Variants in PRIM2 observed in about 807,000 individuals in gnomAD.
PRIM2 encodes the protein DNA primase large subunit.
A neutral mutation model predicts 67.3 loss-of-function variants in PRIM2; 39 were observed. The observed-to-expected ratio is 0.58, with a 90% CI of 0.45 to 0.76. The LOEUF is 0.76. PRIM2 is among the 30% of genes least tolerant of loss of function. The probability of loss-of-function intolerance (pLI) is 0.00; values close to 1 mark genes in which losing one functional copy is unlikely to be tolerated. For synonymous variants in PRIM2, 143 were observed against 198.7 expected (o/e 0.72, Z 2.36); for missense variants, 398 against 598.7 (o/e 0.66, Z 3.50).
chr6:57,606,531 T>C, intron 12 of PRIM2, 74 bp downstream of exon 12: 1 of 1,183,906 alleles, frequency 8.4e-7, no homozygotes, highest in South Asian at 1.3e-5. Context: ...TTTAATGTTC[T>C]TGCAGTGATG....
chr6:57,519,880 T>C (rs1459212452), intron 8 of PRIM2, among the ~76,000 whole-genome samples: 6 of 152,198 alleles, frequency 3.9e-5, no homozygotes, highest in African/African-American at 1.4e-4. Flanking sequence ...GTCCATGAAA[T>C]CTTCACAATC....
the PRIM2 span, among the ~76,000 whole-genome samples, chr6:57,266,274 A>C: frequency 5.3e-5 from 8 of 152,274 alleles, no homozygotes; most frequent in Non-Finnish European, 8.8e-5. Context: ...CAATGTGAAA[A>C]CTTGGCCATT....
the PRIM2 span, among the ~76,000 whole-genome samples, chr6:57,308,343 A>C: frequency 6.6e-6 from 1 of 152,000 alleles, no homozygotes; most frequent in African/African-American, 2.4e-5. Flanking sequence ...GGCTGGTCTC[A>C]AACTCCTGGG....
chr6:57,319,518 T>G (rs576939128), intron 2 of PRIM2, among the ~76,000 whole-genome samples: 1 of 152,324 alleles, frequency 6.6e-6, no homozygotes, highest in Admixed American at 6.5e-5. Flanking sequence ...TTAGAAAGCT[T>G]AGCAGTGTCA....
chr6:57,631,920 T>C (rs1777042591), intron 12 of PRIM2, among the ~76,000 whole-genome samples: 2 of 152,188 alleles, frequency 1.3e-5, no homozygotes. Flanking sequence ...CACTGTCTCT[T>C]GTCATCTGTG....
intron 5 of PRIM2, among the ~76,000 whole-genome samples, chr6:57,372,819 G>A (rs539599539): frequency 6.6e-6 from 1 of 152,190 alleles, no homozygotes; most frequent in Admixed American, 6.5e-5. Context: ...ATTCCGTGGT[G>A]TATATGTACC....
At chr6:57,385,645 G>A (rs1247270951) in intron 7 of PRIM2, among the ~76,000 whole-genome samples, 2 of 152,114 alleles carry the variant, frequency 1.3e-5, no homozygotes, top group Admixed American at 6.5e-5. Flanking sequence ...TAGTTGTCAC[G>A]TCTCTTTAAT....
rs1322312572 is a variant in PRIM2 at position 57,467,116 on chromosome 6, A to AAG, written c.694-40270_694-40269insGA. Among the ~76,000 whole-genome samples, 5 of 149,948 alleles carry AAG rather than the reference A, an allele frequency of 3.3e-5. 1 individual carries two copies. Among genetic ancestry groups the AAG allele is most frequent in the Admixed American group, 2.0e-4 (3 of 15,084 alleles). On this transcript the variant is annotated intron_variant, in intron 7 of 13. Coordinates refer to ENST00000615550, the MANE Select transcript of PRIM2 (RefSeq NM_000947.5). The stretch of plus-strand genomic sequence containing the variant: ...GTGAAACTCCATCTCAAAAAAAAAA[A>AAG]AAAAGAAAAGAAAAAAAGATCCCAT...
At chr6:57,333,218 G>T (rs1056811342) in intron 5 of PRIM2, among the ~76,000 whole-genome samples, 2 of 152,078 alleles carry the variant, frequency 1.3e-5, no homozygotes, top group Non-Finnish European at 2.9e-5. Flanking sequence ...ATCAACAGAG[G>T]TAAACTTTTT....
intron 5 of PRIM2, among the ~76,000 whole-genome samples, chr6:57,357,665 C>T (rs1769075053): frequency 6.6e-6 from 1 of 150,830 alleles, no homozygotes; most frequent in African/African-American, 2.4e-5. Flanking sequence ...GCGATCTCGG[C>T]TCACTGAAAC....
At chr6:57,618,010 G>T (rs1776784798) in intron 12 of PRIM2, among the ~76,000 whole-genome samples, 1 of 152,114 alleles carries the variant, frequency 6.6e-6, no homozygotes, top group Non-Finnish European at 1.5e-5. Flanking sequence ...CCCCATTGAT[G>T]GTCTTGCACC....
intron 10 of PRIM2, among the ~76,000 whole-genome samples, chr6:57,567,492 T>C (rs1775766836): frequency 6.6e-6 from 1 of 152,112 alleles, no homozygotes; most frequent in Middle Eastern, 3.2e-3. Context: ...TTTGACATGA[T>C]ATTTTCAACT....
At chr6:57,592,785 T>C (rs2127488953) in intron 10 of PRIM2, among the ~76,000 whole-genome samples, 1 of 150,614 alleles carries the variant, frequency 6.6e-6, no homozygotes, top group African/African-American at 2.4e-5. Context: ...AGTAAGACTC[T>C]GTCTCAAAAA....
In PRIM2 at chr6:57,573,554, G is replaced by T. The variant is rs1312715727; in HGVS notation, c.1021-27539G>T. 9.1e-4 allele frequency among the ~76,000 whole-genome samples: 138 copies of T among 152,090 alleles called. 1 individual carries two copies. Among genetic ancestry groups the T allele is most frequent in the African/African-American group, 3.2e-3 (132 of 41,492 alleles). On this transcript the variant is annotated intron_variant, in intron 10 of 13. Coordinates refer to ENST00000615550, the MANE Select transcript of PRIM2 (RefSeq NM_000947.5). ...AGTTTATGACATGATAAACCAAAAA[G>T]AGAACTATGGAAATTGTATATAGCA...
At chr6:57,224,498 A>G in the PRIM2 span, among the ~76,000 whole-genome samples, 2 of 152,190 alleles carry the variant, frequency 1.3e-5, no homozygotes, top group African/African-American at 2.4e-5. Context: ...CAAGATGAAG[A>G]AAGTCTGGAG....
At chr6:57,520,542 T>C (rs1194001531) in intron 8 of PRIM2, among the ~76,000 whole-genome samples, 6 of 152,128 alleles carry the variant, frequency 3.9e-5, no homozygotes, top group Admixed American at 3.3e-4. Context: ...AAAATAGATA[T>C]GTTTGTTGGG....
intron 5 of PRIM2, among the ~76,000 whole-genome samples, chr6:57,346,030 T>A (rs1025031916): frequency 3.3e-5 from 5 of 152,218 alleles, no homozygotes; most frequent in African/African-American, 1.2e-4. Context: ...AGGTCACTTT[T>A]GTGGCCATCT....
intron 7 of PRIM2, among the ~76,000 whole-genome samples, chr6:57,418,684 AC>A (rs1339377269): frequency 6.6e-6 from 1 of 151,780 alleles, no homozygotes; most frequent in African/African-American, 2.4e-5. Context: ...ACAAGCATGA[AC>A]CACTGTGCCC....
rs1289637101 is a variant in PRIM2 at position 57,489,245 on chromosome 6, T to C, written c.694-18142T>C. Among the ~76,000 whole-genome samples, 5 of 152,380 alleles carry C rather than the reference T, an allele frequency of 3.3e-5. No homozygotes were observed. In the South Asian group the frequency reaches 1.0e-3, roughly 32 times the overall value. ...ATTTGTTTGCATTTTTAAGAGTATG[T>C]GTGGTGTTTTAAAAGTGTTAGATTA... On this transcript the variant is annotated intron_variant, in intron 7 of 13. Coordinates refer to ENST00000615550, the MANE Select transcript of PRIM2 (RefSeq NM_000947.5).
Sources: gnomAD v4.1 joint callset for allele counts (sites outside exome capture counted in the v4.1 genomes callset) on GRCh38, gnomAD v4.1.1 for gene constraint, MANE v1.5 for transcripts, NCBI Gene and HGNC (gene_info 2026-07-23, HGNC 2026-07-21) for gene names.